Variants in RABGAP1L observed in about 807,000 individuals in gnomAD.
The protein encoded by RABGAP1L is RAB GTPase activating protein 1 like, also known as rab GTPase-activating protein 1-like.
RABGAP1L carries 63 observed loss-of-function variants against 137.7 expected under a neutral mutation model. The ratio of observed to expected loss-of-function variants is 0.46; its 90% CI spans 0.37 to 0.56. The LOEUF is 0.56. Among genes scored for constraint, RABGAP1L ranks in the 20% least tolerant of loss-of-function variants. The probability of loss-of-function intolerance (pLI) is 0.00; values close to 1 mark genes in which losing one functional copy is unlikely to be tolerated. For synonymous variants in RABGAP1L, 431 were observed against 433.7 expected (o/e 0.99, Z 0.08); for missense variants, 1,095 against 1,244.0 (o/e 0.88, Z 1.80).
intron 10 of RABGAP1L, among the ~76,000 whole-genome samples, chr1:174,297,180 A>T (rs911781245): frequency 1.3e-5 from 2 of 152,224 alleles, no homozygotes; most frequent in Non-Finnish European, 2.9e-5. Context: ...AAAAGACAGA[A>T]TAACAAGAGA....
chr1:174,472,916 T>C (rs1357403484), intron 13 of RABGAP1L, among the ~76,000 whole-genome samples: 2 of 152,198 alleles, frequency 1.3e-5, no homozygotes, highest in East Asian at 3.8e-4. Context: ...AGAATAGCAG[T>C]CTCAGACCTG....
At chr1:174,892,049 G>A (rs927855475) in intron 19 of RABGAP1L, among the ~76,000 whole-genome samples, 2 of 152,222 alleles carry the variant, frequency 1.3e-5, no homozygotes, top group Non-Finnish European at 2.9e-5. Flanking sequence ...GCCACAGTCC[G>A]GGTGGGCATG....
chr1:174,640,221 C>A lies in RABGAP1L; in HGVS notation c.1824+2733C>A, dbSNP rs970225604. Among the ~76,000 whole-genome samples the A allele has an allele frequency of 2.0e-5, 3 of 152,028 alleles. No individual in the cohort carries two copies. The South Asian group carries it at 6.2e-4, about 32-fold the overall frequency. ...GGTTTGTGATTGACCCGGTTCCTTCCCATCTTGATTTACTGTTATTTAGTA... is the reference window on the plus strand; with the variant it reads ...GGTTTGTGATTGACCCGGTTCCTTCACATCTTGATTTACTGTTATTTAGTA... On this transcript the variant is annotated intron_variant, in intron 14 of 25. Transcript: ENST00000681986.
intron 12 of RABGAP1L, among the ~76,000 whole-genome samples, chr1:174,391,171 G>A (rs1270462196): frequency 6.6e-6 from 1 of 152,142 alleles, no homozygotes; most frequent in African/African-American, 2.4e-5. Context: ...ACTTTTCAAG[G>A]AGAGATGCAG....
At chr1:174,444,950 C>T (rs563005233) in intron 13 of RABGAP1L, among the ~76,000 whole-genome samples, 11 of 151,764 alleles carry the variant, frequency 7.2e-5, no homozygotes, top group Non-Finnish European at 1.5e-4. Context: ...CTATTTCGGT[C>T]CCATTTTCAC....
At chr1:174,242,127 T>C (rs886638605) in intron 5 of RABGAP1L, among the ~76,000 whole-genome samples, 1 of 152,250 alleles carries the variant, frequency 6.6e-6, no homozygotes, top group Non-Finnish European at 1.5e-5. Flanking sequence ...TGTTTTGTGC[T>C]TTCTTGCTCA....
chr1:174,383,405 A>C (rs1439164987), intron 12 of RABGAP1L, among the ~76,000 whole-genome samples: 2 of 151,812 alleles, frequency 1.3e-5, no homozygotes, highest in East Asian at 1.9e-4. Flanking sequence ...GCCGCCTTGC[A>C]GTTTGATCTC....
intron 13 of RABGAP1L, among the ~76,000 whole-genome samples, chr1:174,496,412 A>T (rs1660736946): frequency 6.6e-6 from 1 of 152,184 alleles, no homozygotes; most frequent in Non-Finnish European, 1.5e-5. Flanking sequence ...TGAGAACAGC[A>T]AGATTGTCTG....
intron 18 of RABGAP1L, chr1:174,800,436 A>ATGCG (rs1177537972): frequency 6.4e-7 from 1 of 1,550,920 alleles, no homozygotes; most frequent in Non-Finnish European, 8.7e-7. Context: ...GTGAATGAGT[A>ATGCG]TGCGTGTCGA....
At chr1:174,596,958 G>T (rs977599220) in intron 13 of RABGAP1L, among the ~76,000 whole-genome samples, 4 of 151,864 alleles carry the variant, frequency 2.6e-5, no homozygotes, top group Non-Finnish European at 4.4e-5. Context: ...TGGTTTTTTT[G>T]TATCAATTGA....
intron 19 of RABGAP1L, among the ~76,000 whole-genome samples, chr1:174,853,998 C>T (rs1558151966): frequency 6.6e-6 from 1 of 152,132 alleles, no homozygotes; most frequent in Non-Finnish European, 1.5e-5. Context: ...TGCTTATGGT[C>T]AATAATGATG....
rs573223295 is a variant in RABGAP1L at position 174,695,423 on chromosome 1, G to A, written c.1900-4102G>A. On this transcript the variant is annotated intron_variant, in intron 15 of 25. Transcript: ENST00000681986. ...TGATACATTTTTAAGTTTGTCAGTT[G>A]AATTTTTTAGCTTCAGAATTTCTGC... Among the ~76,000 whole-genome samples the A allele has an allele frequency of 1.8e-4, 28 of 152,086 alleles. 1 individual carries two copies. The South Asian group carries it at 5.6e-3, about 31-fold the overall frequency.
At chr1:174,505,586 C>G (rs1428474368) in intron 13 of RABGAP1L, among the ~76,000 whole-genome samples, 1 of 151,578 alleles carries the variant, frequency 6.6e-6, no homozygotes, top group Non-Finnish European at 1.5e-5. Context: ...CAGGAAAATG[C>G]AAATCAAAAC....
rs769816761 is a variant in RABGAP1L, at chr1:174,448,847, A to G, written c.1710+54702A>G. 3.1e-6 allele frequency: 5 copies of G among 1,614,046 alleles called. No individual in the cohort carries two copies. The highest frequency in any genetic ancestry group is 2.5e-6 in the Non-Finnish European group (3 of 1,179,942). The stretch of plus-strand genomic sequence containing the variant: ...AAATGACCGAAGAGCCCGATTCCCT[A>G]GTCATGAGGTAGATTCTTCCAGAGA... On this transcript the variant is annotated intron_variant, in intron 13 of 25. Transcript: ENST00000681986. The surrounding 1 kb of genome is among the most constrained non-coding windows in gnomAD (Gnocchi z 4.2).
intron 15 of RABGAP1L, among the ~76,000 whole-genome samples, chr1:174,695,886 T>A (rs548642433): frequency 2.0e-5 from 3 of 152,360 alleles, no homozygotes; most frequent in South Asian, 2.1e-4. Context: ...TTGGTGGGCT[T>A]GGGTAAGATC....
intron 18 of RABGAP1L, among the ~76,000 whole-genome samples, chr1:174,794,869 A>G (rs1688130105): frequency 6.6e-6 from 1 of 152,124 alleles, no homozygotes; most frequent in Admixed American, 6.5e-5. Context: ...TTTTGTAACT[A>G]CTGAAATAAC....
chr1:174,906,734 T>G (rs1415287046), intron 19 of RABGAP1L, among the ~76,000 whole-genome samples: 1 of 151,926 alleles, frequency 6.6e-6, no homozygotes, highest in Non-Finnish European at 1.5e-5. Flanking sequence ...TCCCAAGGGA[T>G]ATAGTAAACT....
At chr1:174,686,168 G>A (rs1678444332) in intron 15 of RABGAP1L, among the ~76,000 whole-genome samples, 1 of 152,176 alleles carries the variant, frequency 6.6e-6, no homozygotes. Flanking sequence ...TAAAAGGACA[G>A]CATTGTTTTT....
chr1:174,479,591 C>T (rs577854382), intron 13 of RABGAP1L, among the ~76,000 whole-genome samples: 1 of 152,306 alleles, frequency 6.6e-6, no homozygotes, highest in Admixed American at 6.5e-5. Flanking sequence ...CAGTGAAAAG[C>T]CCATCTGAAA....
Sources: gnomAD v4.1 joint callset for allele counts (sites outside exome capture counted in the v4.1 genomes callset) on GRCh38, gnomAD v4.1.1 for gene constraint, Gnocchi (gnomAD v3.1) non-coding constraint, MANE v1.5 for transcripts, NCBI Gene and HGNC (gene_info 2026-07-23, HGNC 2026-07-21) for gene names.